The following FMN2 variants were observed in gnomAD, a reference collection of about 807,000 sequenced individuals.
FMN2 encodes the protein formin 2.
A neutral mutation model predicts 142.3 loss-of-function variants in FMN2; 51 were observed. The ratio of observed to expected loss-of-function variants is 0.36; its 90% CI spans 0.29 to 0.45. The LOEUF (loss-of-function observed/expected upper bound fraction) is 0.45. Ranked by LOEUF, FMN2 falls within the 20% of genes least tolerant of loss-of-function variation. FMN2 has a pLI of 1.00. For missense variants in FMN2, 1,936 were observed against 2,122.8 expected, an observed-to-expected ratio of 0.91 and a Z score of 1.73; for synonymous variants, 882 against 869.8, an observed-to-expected ratio of 1.01 and a Z score of -0.25.
chr1:240,340,781 C>A lies in FMN2; in HGVS notation c.4765+6552C>A, dbSNP rs190136338. Among the ~76,000 whole-genome samples the A allele has an allele frequency of 6.6e-5, 10 of 152,106 alleles. No homozygotes were observed. The East Asian group carries it at 1.7e-3, about 26-fold the overall frequency. The stretch of plus-strand genomic sequence containing the variant: ...GTATAATTTTCTCATTGTCCTTATT[C>A]ATTTTTGGCTTTCCTTGGATAAGTA... On this transcript the variant is annotated intron_variant, in intron 13 of 17. Coordinates refer to ENST00000319653, the MANE Select transcript of FMN2 (RefSeq NM_020066.5).
At chr1:240,163,333 G>A (rs1213898730) in intron 2 of FMN2, among the ~76,000 whole-genome samples, 1 of 152,114 alleles carries the variant, frequency 6.6e-6, no homozygotes, top group Non-Finnish European at 1.5e-5. Context: ...GTGGACATGT[G>A]TTTTTCCTTA....
intron 2 of FMN2, among the ~76,000 whole-genome samples, chr1:240,153,538 A>T (rs1663877195): frequency 6.6e-6 from 1 of 151,464 alleles, no homozygotes; most frequent in South Asian, 2.1e-4. Context: ...TTATTTATTT[A>T]TTTTTTTGTA....
chr1:240,176,114 C>G (rs1468479541), intron 2 of FMN2, among the ~76,000 whole-genome samples: 2 of 152,076 alleles, frequency 1.3e-5, no homozygotes, highest in Non-Finnish European at 2.9e-5. Context: ...TTGTCATATT[C>G]AAGAACTCAT....
At chr1:240,110,060 T>C (rs1661751513) in intron 1 of FMN2, among the ~76,000 whole-genome samples, 1 of 152,180 alleles carries the variant, frequency 6.6e-6, no homozygotes, top group Non-Finnish European at 1.5e-5. Flanking sequence ...GCTTTTAAAA[T>C]GTTCCTTCTT....
At chr1:240,317,236 A>C (rs541410763) in intron 8 of FMN2, among the ~76,000 whole-genome samples, 1 of 152,080 alleles carries the variant, frequency 6.6e-6, no homozygotes, top group East Asian at 1.9e-4. Flanking sequence ...GAATTGCTTG[A>C]ACCCAGGAGG....
chr1:240,223,972 C>T (rs1435314754), intron 6 of FMN2, among the ~76,000 whole-genome samples: 1 of 152,054 alleles, frequency 6.6e-6, no homozygotes, highest in African/African-American at 2.4e-5. Context: ...CTTTCCATGT[C>T]TCTATCTCCT....
intron 2 of FMN2, among the ~76,000 whole-genome samples, chr1:240,157,993 A>G (rs1431878866): frequency 6.6e-6 from 1 of 151,372 alleles, no homozygotes; most frequent in East Asian, 1.9e-4. Context: ...AAAAAAAAAA[A>G]AGTCAGCCAG....
At chr1:240,170,933 T>C (rs1558335416) in intron 2 of FMN2, 7 of 789,580 alleles carry the variant, frequency 8.9e-6, no homozygotes, top group South Asian at 8.1e-5. Context: ...GAAGTGCTCA[T>C]TGAGCGGACT....
chr1:240,279,501 A>G (rs142155634), intron 7 of FMN2, among the ~76,000 whole-genome samples: 17 of 152,292 alleles, frequency 1.1e-4, no homozygotes, highest in African/African-American at 4.1e-4. Context: ...GGAAAGTGTG[A>G]GGACAGCACA....
chr1:240,182,321 C>G (rs1665187164), intron 3 of FMN2, among the ~76,000 whole-genome samples: 1 of 152,160 alleles, frequency 6.6e-6, no homozygotes, highest in African/African-American at 2.4e-5. Flanking sequence ...AATCCCTTCC[C>G]TTTCTTTGAA....
rs752474750 is a variant in FMN2 at position 240,092,474 on chromosome 1, G to A, written c.365G>A (p.Ser122Asn). Residue 122 changes from serine to asparagine, a missense_variant, in exon 1 of 18, where the codon AGC becomes AAC. This residue lies in a region of FMN2 where 751 missense variants were observed against 791.8 expected (regional missense o/e 0.95). Coordinates refer to ENST00000319653, the MANE Select transcript of FMN2 (RefSeq NM_020066.5). The stretch of plus-strand genomic sequence containing the variant: ...CTGCTCACCAAGACTCCAGACCTCA[G>A]CCTCTCGGCGGACGAGGCCGGCCTG... ...HSLLTKTPDL[S>N]LSADEAGLSD... 1 of 1,608,780 alleles carries A rather than the reference G, an allele frequency of 6.2e-7. No individual in the cohort carries two copies. The highest frequency in any genetic ancestry group is 2.2e-5 in the East Asian group (1 of 44,632).
chr1:240,155,575 C>A (rs747701589), intron 2 of FMN2, among the ~76,000 whole-genome samples: 2 of 152,038 alleles, frequency 1.3e-5, no homozygotes, highest in Non-Finnish European at 2.9e-5. Context: ...CTGTGCCTGG[C>A]CTATCAAAAT....
At chr1:240,324,123 G>A (rs1453146714) in intron 8 of FMN2, among the ~76,000 whole-genome samples, 2 of 152,080 alleles carry the variant, frequency 1.3e-5, no homozygotes, top group African/African-American at 4.8e-5. Flanking sequence ...TGTGGTCCGC[G>A]AGTGATACTT....
At chr1:240,270,650 A>T (rs1405623676) in intron 7 of FMN2, among the ~76,000 whole-genome samples, 1 of 152,076 alleles carries the variant, frequency 6.6e-6, no homozygotes, top group Non-Finnish European at 1.5e-5. Flanking sequence ...TACACAATGA[A>T]ATACAATTAA....
At chr1:240,166,693 A>G (rs1157801624) in intron 2 of FMN2, among the ~76,000 whole-genome samples, 1 of 152,194 alleles carries the variant, frequency 6.6e-6, no homozygotes, top group Non-Finnish European at 1.5e-5. Flanking sequence ...CTATTTTTGG[A>G]AACTCTACTT....
chr1:240,234,094 G>GT (rs1274072508), intron 6 of FMN2, among the ~76,000 whole-genome samples: 1 of 152,090 alleles, frequency 6.6e-6, no homozygotes, highest in Non-Finnish European at 1.5e-5. Flanking sequence ...ATAGACAGCC[G>GT]TGAGTTTAAA....
chr1:240,341,366 T>A (rs369930048), intron 13 of FMN2: 1 of 152,212 alleles, frequency 6.6e-6, no homozygotes, highest in Non-Finnish European at 1.5e-5. Context: ...ACTAGTTTCC[T>A]ATGTGGTGTT....
At chr1:240,240,112 G>A (rs940923746) in intron 6 of FMN2, among the ~76,000 whole-genome samples, 2 of 152,152 alleles carry the variant, frequency 1.3e-5, no homozygotes, top group Non-Finnish European at 2.9e-5. Context: ...AGGGCGTTAA[G>A]GAAATAGTGG....
At chr1:240,150,330 A>G (rs1663709705) in intron 2 of FMN2, among the ~76,000 whole-genome samples, 1 of 152,136 alleles carries the variant, frequency 6.6e-6, no homozygotes, top group Non-Finnish European at 1.5e-5. Flanking sequence ...GAAACTGGGT[A>G]GTCTCTTCTG....
Sources: gnomAD v4.1 joint callset for allele counts (sites outside exome capture counted in the v4.1 genomes callset) on GRCh38, gnomAD v4.1.1 for gene constraint, gnomAD v4.1.1 regional missense constraint, MANE v1.5 for transcripts, NCBI Gene and HGNC (gene_info 2026-07-23, HGNC 2026-07-21) for gene names.